WNT9A: variants seen among roughly 807,000 people sequenced by gnomAD.
WNT9A encodes Wnt family member 9A, also known as protein Wnt-9a.
A neutral mutation model predicts 31.4 loss-of-function variants in WNT9A; 8 were observed. The observed-to-expected ratio is 0.26, with a 90% CI of 0.15 to 0.46. The LOEUF is 0.46. Among genes scored for constraint, WNT9A ranks in the 20% least tolerant of loss-of-function variants. The pLI, the probability that WNT9A is intolerant of heterozygous loss-of-function variation, is 0.99. For missense variants in WNT9A, 457 were observed against 522.9 expected (o/e 0.87, Z 1.23); for synonymous variants, 236 against 220.1 (o/e 1.07, Z -0.64).
chr1:227,920,143 TCTGCCCACAGGGTGCAG>T lies in WNT9A; in HGVS notation c.*1358_*1374del, dbSNP rs1666284975. 1 of 152,232 alleles carries T rather than the reference TCTGCCCACAGGGTGCAG, an allele frequency of 6.6e-6. No individual in the cohort carries two copies. The highest frequency in any genetic ancestry group is 6.5e-5 in the Admixed American group (1 of 15,290). 9.4% of individuals were successfully genotyped at this position (152,232 alleles called of 1,614,324 possible). ...CACTGAGCTGCCTGGAGGCCGGGCGTCTGCCCACAGGGTGCAGGGCAGGGGCCGCCGGCTGGCCCACC... is the reference window on the plus strand; with the variant it reads ...CACTGAGCTGCCTGGAGGCCGGGCGTGGCAGGGGCCGCCGGCTGGCCCACC... On this transcript the variant is annotated 3_prime_UTR_variant, in exon 4 of 4. Transcript: ENST00000272164.
At chr1:227,935,006 A>C (rs1296652779) in intron 1 of WNT9A, among the ~76,000 whole-genome samples, 1 of 151,184 alleles carries the variant, frequency 6.6e-6, no homozygotes, top group Non-Finnish European at 1.5e-5. Flanking sequence ...CCAGTTCACT[A>C]TACAGAGCCT....
intron 1 of WNT9A, among the ~76,000 whole-genome samples, chr1:227,935,200 G>A (rs2796056): frequency 0.52 from 78,923 of 150,406 alleles, 20,787 homozygotes; most frequent in African/African-American, 0.59. Flanking sequence ...GCCTCAGGTT[G>A]CCAAGCAGAC....
chr1:227,931,246 C>T (rs1284806829), intron 1 of WNT9A, among the ~76,000 whole-genome samples: 2 of 152,154 alleles, frequency 1.3e-5, no homozygotes, highest in Non-Finnish European at 2.9e-5. Flanking sequence ...CTGGCCAGGA[C>T]GGGCTCCATC....
At chr1:227,944,262 G>A (rs1461035561) in intron 1 of WNT9A, among the ~76,000 whole-genome samples, 1 of 152,216 alleles carries the variant, frequency 6.6e-6, no homozygotes, top group African/African-American at 2.4e-5. Flanking sequence ...GAGAAGCCAG[G>A]CGCGGAGGCC....
intron 1 of WNT9A, among the ~76,000 whole-genome samples, chr1:227,945,794 C>T (rs1277536803): frequency 2.0e-5 from 3 of 152,104 alleles, no homozygotes; most frequent in African/African-American, 7.2e-5. Flanking sequence ...AGCCTGGAGC[C>T]CTTTGTGCCC....
chr1:227,942,017 T>C lies in WNT9A; in HGVS notation c.95+5776A>G, dbSNP rs1452158891. 6.6e-6 allele frequency among the ~76,000 whole-genome samples: 1 copy of C among 151,932 alleles called. No individual in the cohort carries two copies. On this transcript the variant is annotated intron_variant, in intron 1 of 3. Transcript: ENST00000272164. This position sits in a 1 kb window ranked among gnomAD's most constrained non-coding sequence, Gnocchi z 5.7. ...GTATCCGTGCCTGTGTGCTCTTTCC[T>C]AGGGGAAGAGTCACCCACACGCTTC...
chr1:227,925,621 C>G lies in WNT9A; in HGVS notation c.96-102G>C. The G allele has an allele frequency of 7.1e-7, 1 of 1,412,552 alleles. No individual in the cohort carries two copies. Among genetic ancestry groups the G allele is most frequent in the Non-Finnish European group, 9.2e-7 (1 of 1,084,606 alleles). The allele number at this position is 1,412,552 out of a possible 1,614,324, so 87.5% of individuals were successfully genotyped here. A position where few individuals can be genotyped will look rare whatever the true frequency, so the allele number is the denominator to read the frequency against. Reference sequence around the variant, plus strand: ...GGTACAGGGGACAGGCGTGTCCATCCGGGGGTGAGGGGGCAGAAAGAATCC... The same window carrying G: ...GGTACAGGGGACAGGCGTGTCCATCGGGGGGTGAGGGGGCAGAAAGAATCC... On this transcript the variant is annotated intron_variant, in intron 1 of 3. Coordinates refer to ENST00000272164, the MANE Select transcript of WNT9A (RefSeq NM_003395.4). This position sits in a 1 kb window ranked among gnomAD's most constrained non-coding sequence, Gnocchi z 6.0.
At chr1:227,943,439 G>A (rs1666746288) in intron 1 of WNT9A, among the ~76,000 whole-genome samples, 2 of 152,222 alleles carry the variant, frequency 1.3e-5, no homozygotes, top group Non-Finnish European at 2.9e-5. Flanking sequence ...CAAAGGAGCT[G>A]CATGGACATT....
In WNT9A at chr1:227,921,881, G is replaced by A. The variant is rs1004221302; in HGVS notation, c.735C>T (p.His245=). Residue 245 remains histidine (H), a synonymous_variant, in exon 4 of 4, where the codon CAC becomes CAT. Transcript: ENST00000272164. ...PFHEVGKHLK[H]KYETALKVGS... ...CCACCTTGAGTGCCGTCTCATACTT[G>A]TGCTTCAGATGCTTGCCCACCTCAT... 2 of 1,613,088 alleles carry A rather than the reference G, an allele frequency of 1.2e-6. No homozygotes were observed. Among genetic ancestry groups the A allele is most frequent in the Admixed American group, 3.3e-5 (2 of 60,010 alleles).
chr1:227,921,345 G>A lies in WNT9A; in HGVS notation c.*173C>T. The A allele has an allele frequency of 9.4e-7, 1 of 1,068,042 alleles. No homozygotes were observed. Among genetic ancestry groups the A allele is most frequent in the Non-Finnish European group, 1.3e-6 (1 of 757,800 alleles). The allele number at this position is 1,068,042 out of a possible 1,614,324, so 66.2% of individuals were successfully genotyped here. A position where few individuals can be genotyped will look rare whatever the true frequency, so the allele number is the denominator to read the frequency against. ...GGACTCACCCCACGCTGCTAGGTCT[G>A]AGCCCAGGGACTCAGCCCATGCAGG... On this transcript the variant is annotated 3_prime_UTR_variant, in exon 4 of 4. Coordinates refer to ENST00000272164, the MANE Select transcript of WNT9A (RefSeq NM_003395.4).
intron 1 of WNT9A, among the ~76,000 whole-genome samples, chr1:227,936,773 G>A (rs907447811): frequency 2.6e-5 from 4 of 152,184 alleles, no homozygotes; most frequent in Non-Finnish European, 5.9e-5. Flanking sequence ...TCACAGGCAC[G>A]AGGCACTGTG....
In WNT9A at chr1:227,921,699, G is replaced by T; in HGVS notation, c.917C>A (p.Pro306Gln). 1 of 1,612,732 alleles carries T rather than the reference G, an allele frequency of 6.2e-7. No homozygotes were observed. Among genetic ancestry groups the T allele is most frequent in the South Asian group, 1.1e-5 (1 of 91,070 alleles). Residue 306 changes from proline (P) to glutamine (Q), a missense_variant, in exon 4 of 4, where the codon CCG becomes CAG. Pro to Gln is a moderately conservative substitution (Grantham distance 76). Coordinates refer to ENST00000272164, the MANE Select transcript of WNT9A (RefSeq NM_003395.4). ...GTGGCACCTACGGCCAGCGGTGCCC[G>T]GGGAGAAGCGGCCAGCCAGGCAGAA... ...PSFCLAGRFS[P>Q]GTAGRRCHRE... is the part of the protein sequence containing the mutation.
chr1:227,947,707 C>T (rs1666817968), intron 1 of WNT9A, 86 bp downstream of exon 1: 2 of 838,544 alleles, frequency 2.4e-6, no homozygotes, highest in Non-Finnish European at 2.9e-6. Flanking sequence ...CCCAGCCACC[C>T]CGGGTGCCTC....
rs894080065 is a variant in WNT9A, at chr1:227,926,381, C to CCTG, written c.96-865_96-863dup. Reference sequence around the variant, plus strand: ...CTCCCCCCAGCTGGCTGCTGGCTCACCTGCTGCTGCTGCTGGGCTCACTTC... The same window carrying CCTG: ...CTCCCCCCAGCTGGCTGCTGGCTCACCTGCTGCTGCTGCTGCTGGGCTCACTTC... On this transcript the variant is annotated intron_variant, in intron 1 of 3. Transcript: ENST00000272164. This position sits in a 1 kb window ranked among gnomAD's most constrained non-coding sequence, Gnocchi z 5.0. 4.6e-5 allele frequency among the ~76,000 whole-genome samples: 7 copies of CCTG among 152,028 alleles called. No homozygotes were observed. Among genetic ancestry groups the CCTG allele is most frequent in the African/African-American group, 1.2e-4 (5 of 41,494 alleles).
chr1:227,931,363 T>C (rs1052854796), intron 1 of WNT9A, among the ~76,000 whole-genome samples: 64 of 152,358 alleles, frequency 4.2e-4, no homozygotes, highest in African/African-American at 1.5e-3. Context: ...TCAGTGCCTG[T>C]GTGAAGGGTC....
rs1403915395 is a variant in WNT9A, at chr1:227,920,921, G to C, written c.*597C>G. On this transcript the variant is annotated 3_prime_UTR_variant, in exon 4 of 4. Coordinates refer to ENST00000272164, the MANE Select transcript of WNT9A (RefSeq NM_003395.4). ...CCCCGCCTCTGGGTCCTGGAGAGGG[G>C]GAGATACAGGGCTTGGACAGCCAAC... 2.0e-5 allele frequency: 3 copies of C among 152,510 alleles called. No homozygotes were observed. The highest frequency in any genetic ancestry group is 2.9e-5 in the Non-Finnish European group (2 of 68,360). The allele number at this position is 152,510 out of a possible 1,614,324, so 9.4% of individuals were successfully genotyped here. A position where few individuals can be genotyped will look rare whatever the true frequency, so the allele number is the denominator to read the frequency against.
chr1:227,944,875 C>A (rs1666770215), intron 1 of WNT9A, among the ~76,000 whole-genome samples: 1 of 152,210 alleles, frequency 6.6e-6, no homozygotes, highest in Admixed American at 6.5e-5. Context: ...AAAAAGAACT[C>A]CAGTGGGAAG....
In WNT9A at chr1:227,937,673, C is replaced by T. The variant is rs141551475; in HGVS notation, c.95+10120G>A. Among the ~76,000 whole-genome samples, 672 of 152,344 alleles carry T rather than the reference C, an allele frequency of 4.4e-3. 9 individuals carry two copies. Among genetic ancestry groups the T allele is most frequent in the African/African-American group, 0.015 (613 of 41,588 alleles). ...AAGGAGCCCCACGGTTCGCAGCCAT[C>T]GCTGGCAGCTGGCAGAGGCAGGAAG... On this transcript the variant is annotated intron_variant, in intron 1 of 3. Coordinates refer to ENST00000272164, the MANE Select transcript of WNT9A (RefSeq NM_003395.4).
chr1:227,924,062 T>TA, intron 3 of WNT9A, 76 bp downstream of exon 3: 1 of 234,956 alleles, frequency 4.3e-6, no homozygotes. Flanking sequence ...CCGCCCCCAG[T>TA]CCCACGCCCC....
Sources: gnomAD v4.1 joint callset for allele counts (sites outside exome capture counted in the v4.1 genomes callset) on GRCh38, gnomAD v4.1.1 for gene constraint, Gnocchi (gnomAD v3.1) non-coding constraint, MANE v1.5 for transcripts, NCBI Gene and HGNC (gene_info 2026-07-23, HGNC 2026-07-21) for gene names.